Variants in PWWP2A observed in about 807,000 individuals in gnomAD.
PWWP2A encodes PWWP domain containing 2A, also known as PWWP domain-containing protein 2A.
In PWWP2A, 18 loss-of-function variants were observed where a neutral mutation model predicts 48.5. The observed-to-expected ratio is 0.37, with a 90% CI of 0.26 to 0.55. The LOEUF is 0.55. PWWP2A is among the 20% of genes least tolerant of loss of function. PWWP2A has a pLI of 0.81. For missense variants in PWWP2A, 867 were observed against 976.4 expected (o/e 0.89, Z 1.49); for synonymous variants, 396 against 387.7 (o/e 1.02, Z -0.25).
At chr5:160,097,336 CAAAAAAAAAAAA>C (rs70987999) in intron 1 of PWWP2A, among the ~76,000 whole-genome samples, 1,311 of 34,442 alleles carry the variant, frequency 0.038, 104 homozygotes, top group Admixed American at 0.29. Context: ...GCCTTTGTCT[CAAAAAAAAAAAA>C]AAAAAAAAAA....
At chr5:160,100,340 T>G (rs1012614918) in intron 1 of PWWP2A, among the ~76,000 whole-genome samples, 1 of 152,014 alleles carries the variant, frequency 6.6e-6, no homozygotes, top group African/African-American at 2.4e-5. Flanking sequence ...TAAATAAAAA[T>G]TAGCTAGGCG....
intron 2 of PWWP2A, among the ~76,000 whole-genome samples, chr5:160,080,996 T>C (rs1349542273): frequency 6.6e-6 from 1 of 152,154 alleles, no homozygotes; most frequent in Non-Finnish European, 1.5e-5. Flanking sequence ...GAGAGGGCAC[T>C]CTCCGGCTCA....
At chr5:160,073,469 C>G (rs1753793557), downstream of PWWP2A, among the ~76,000 whole-genome samples, 1 of 151,992 alleles carries the variant, frequency 6.6e-6, no homozygotes, top group South Asian at 2.1e-4. Context: ...CCTCATGATC[C>G]ACCCTCCTCG....
chr5:160,048,642 T>C, the PWWP2A span, among the ~76,000 whole-genome samples: 1 of 152,192 alleles, frequency 6.6e-6, no homozygotes, highest in African/African-American at 2.4e-5. Flanking sequence ...AGTGAGGATT[T>C]AACTAGAAAT....
At chr5:160,070,858 G>A (rs115654707) in intron 2 of PWWP2A, among the ~76,000 whole-genome samples, 4,092 of 152,272 alleles carry the variant, frequency 0.027, 84 homozygotes, top group East Asian at 0.053. Context: ...CAGTTCCTAC[G>A]ACGTTTTATG....
At chr5:160,083,805 G>T (rs1219812323) in intron 2 of PWWP2A, among the ~76,000 whole-genome samples, 1 of 152,224 alleles carries the variant, frequency 6.6e-6, no homozygotes, top group African/African-American at 2.4e-5. Context: ...GCATAAGGGA[G>T]AGTAGAATAG....
At chr5:160,117,436 C>A (rs1281921317) in intron 1 of PWWP2A, among the ~76,000 whole-genome samples, 1 of 152,214 alleles carries the variant, frequency 6.6e-6, no homozygotes, top group African/African-American at 2.4e-5. Flanking sequence ...GGGTGGATAA[C>A]CTGAGGTCAG....
chr5:160,063,981 T>TTC (rs1003275482), intron 4 of PWWP2A, among the ~76,000 whole-genome samples: 1 of 148,838 alleles, frequency 6.7e-6, no homozygotes, highest in African/African-American at 2.5e-5. Context: ...TTTTTTTTTT[T>TTC]TTTTTGAGAC....
At chr5:160,084,066 T>G (rs765393936) in intron 2 of PWWP2A, among the ~76,000 whole-genome samples, 1 of 152,240 alleles carries the variant, frequency 6.6e-6, no homozygotes, top group Non-Finnish European at 1.5e-5. Flanking sequence ...GAGTATATGT[T>G]GCAGAATGAT....
At chr5:160,090,628 GCAAT>G (rs532956144), downstream of PWWP2A, 585 of 984,948 alleles carry the variant, frequency 5.9e-4, 2 homozygotes, top group African/African-American at 8.0e-3. Flanking sequence ...GCAAAAATTC[GCAAT>G]CAGTCAATAA....
At chr5:160,058,450 G>A (rs1369526286), downstream of PWWP2A, among the ~76,000 whole-genome samples, 59 of 140,082 alleles carry the variant, frequency 4.2e-4, no homozygotes, top group African/African-American at 1.4e-3. Context: ...TCGCTGTGTC[G>A]CCCAGGCTGG....
At chr5:160,118,606 C>A (rs1286782055) in intron 1 of PWWP2A, among the ~76,000 whole-genome samples, 199 bp downstream of exon 1, 3 of 150,888 alleles carry the variant, frequency 2.0e-5, no homozygotes, top group African/African-American at 7.2e-5. Context: ...GCCCCGCAGG[C>A]GCCCACCTGG....
chr5:160,048,270 A>G, the PWWP2A span, among the ~76,000 whole-genome samples: 1 of 151,100 alleles, frequency 6.6e-6, no homozygotes, highest in African/African-American at 2.4e-5. Context: ...TTATGCCTAA[A>G]CCACCCAAAT....
downstream of PWWP2A, among the ~76,000 whole-genome samples, chr5:160,088,493 A>G (rs573732128): frequency 2.6e-5 from 4 of 152,208 alleles, no homozygotes; most frequent in East Asian, 7.7e-4. Context: ...CAGGTGATCC[A>G]CCTGCCTCAG....
chr5:160,071,599 C>A (rs905794327), downstream of PWWP2A, among the ~76,000 whole-genome samples: 4 of 152,140 alleles, frequency 2.6e-5, no homozygotes, highest in African/African-American at 9.7e-5. Flanking sequence ...CCCCCAAGAC[C>A]AAAGCGCAAA....
intron 1 of PWWP2A, among the ~76,000 whole-genome samples, chr5:160,112,501 C>A (rs1757695747): frequency 6.6e-6 from 1 of 152,104 alleles, no homozygotes. Flanking sequence ...AGATTACAGG[C>A]ATGAGCCACC....
intron 1 of PWWP2A, among the ~76,000 whole-genome samples, chr5:160,109,095 T>A (rs1396641327): frequency 6.6e-6 from 1 of 152,184 alleles, no homozygotes; most frequent in Non-Finnish European, 1.5e-5. Flanking sequence ...GCAATTCTCG[T>A]GCCTCAGCCT....
chr5:160,063,331 C>T (rs1424060931), intron 5 of PWWP2A, among the ~76,000 whole-genome samples: 3 of 152,160 alleles, frequency 2.0e-5, no homozygotes, highest in Non-Finnish European at 2.9e-5. Flanking sequence ...ATCCTCCTAA[C>T]TCAGCCTCTG....
At chr5:160,062,624 C>G (rs1425847400) in intron 5 of PWWP2A, among the ~76,000 whole-genome samples, 1 of 152,166 alleles carries the variant, frequency 6.6e-6, no homozygotes, top group Non-Finnish European at 1.5e-5. Context: ...GCAGTGATCC[C>G]TCCATCCATG....
Sources: allele counts gnomAD v4.1 joint callset (sites outside exome capture counted in the v4.1 genomes callset), GRCh38; gene constraint gnomAD v4.1.1; transcripts MANE v1.5; gene names NCBI Gene and HGNC (gene_info 2026-07-23, HGNC 2026-07-21).